SPIDR: variants seen among roughly 807,000 people sequenced by gnomAD.
SPIDR encodes the protein scaffold protein involved in DNA repair, also known as DNA repair-scaffolding protein.
A neutral mutation model predicts 104.6 loss-of-function variants in SPIDR; 93 were observed. That is an observed-to-expected ratio of 0.89 (90% confidence interval 0.75 to 1.06). The LOEUF is 1.06. Among genes scored for constraint, SPIDR ranks in the 50% least tolerant of loss-of-function variants. The probability of loss-of-function intolerance (pLI) is 0.00; values close to 1 mark genes in which losing one functional copy is unlikely to be tolerated. For synonymous variants in SPIDR, 431 were observed against 416.9 expected (o/e 1.03, Z -0.41); for missense variants, 1,154 against 1,111.2 (o/e 1.04, Z -0.55).
At chr8:47,646,721 CA>C (rs1186412263) in intron 10 of SPIDR, among the ~76,000 whole-genome samples, 18 of 152,180 alleles carry the variant, frequency 1.2e-4, no homozygotes, top group African/African-American at 4.3e-4. Flanking sequence ...ATGTGAGAAA[CA>C]AGTAACAGTG....
At chr8:47,279,815 A>G in intron 1 of SPIDR, 47 bp from the exon 2 acceptor site, 1 of 1,559,416 alleles carries the variant, frequency 6.4e-7, no homozygotes. Flanking sequence ...AATGAAGTTG[A>G]TTTTGTTTTT....
intron 3 of SPIDR, among the ~76,000 whole-genome samples, chr8:47,286,408 G>A (rs1239388282): frequency 2.0e-5 from 3 of 152,108 alleles, no homozygotes; most frequent in African/African-American, 7.2e-5. Flanking sequence ...AAAACAGCAT[G>A]GCCAAAATTA....
chr8:47,490,996 A>C (rs960356746), intron 8 of SPIDR, among the ~76,000 whole-genome samples: 1 of 152,176 alleles, frequency 6.6e-6, no homozygotes, highest in Non-Finnish European at 1.5e-5. Flanking sequence ...AAGTATAATA[A>C]TAAAATAAAA....
chr8:47,727,097 A>G (rs1339274187), intron 16 of SPIDR, 103 bp from the exon 17 acceptor site: 31 of 929,460 alleles, frequency 3.3e-5, no homozygotes, highest in Middle Eastern at 2.2e-4. Context: ...AAGTAAGGCA[A>G]AAATCACGAG....
At chr8:47,544,219 T>A (rs1327599298) in intron 8 of SPIDR, among the ~76,000 whole-genome samples, 1 of 152,196 alleles carries the variant, frequency 6.6e-6, no homozygotes, top group African/African-American at 2.4e-5. Flanking sequence ...GTGTTCTTGT[T>A]TTTTGCTCAT....
intron 8 of SPIDR, among the ~76,000 whole-genome samples, chr8:47,542,924 G>T (rs2088520348): frequency 6.6e-6 from 1 of 152,174 alleles, no homozygotes; most frequent in Non-Finnish European, 1.5e-5. Flanking sequence ...TAATGCTATG[G>T]AAATGGAATC....
At chr8:47,500,195 C>G (rs2080153180) in intron 8 of SPIDR, among the ~76,000 whole-genome samples, 1 of 152,134 alleles carries the variant, frequency 6.6e-6, no homozygotes, top group Admixed American at 6.5e-5. Flanking sequence ...ATTTCTAGTT[C>G]TAGATCCCTG....
chr8:47,313,560 T>C (rs1385858569), intron 5 of SPIDR, among the ~76,000 whole-genome samples: 1 of 152,178 alleles, frequency 6.6e-6, no homozygotes, highest in Non-Finnish European at 1.5e-5. Context: ...TGGAAAAAAC[T>C]ACTTTAAAGT....
intron 5 of SPIDR, among the ~76,000 whole-genome samples, chr8:47,348,341 T>G (rs2052625054): frequency 6.6e-6 from 1 of 152,222 alleles, no homozygotes; most frequent in African/African-American, 2.4e-5. Context: ...GGGCTTCCCT[T>G]TGTGCGTAAC....
chr8:47,339,126 T>G (rs1229621537), intron 5 of SPIDR, among the ~76,000 whole-genome samples: 2 of 152,226 alleles, frequency 1.3e-5, no homozygotes, highest in African/African-American at 4.8e-5. Flanking sequence ...AATATCATCT[T>G]TCAGAAATGA....
chr8:47,571,222 TA>T (rs1392898998), intron 8 of SPIDR, among the ~76,000 whole-genome samples: 2 of 152,206 alleles, frequency 1.3e-5, no homozygotes, highest in Non-Finnish European at 2.9e-5. Flanking sequence ...TCTGGAGACC[TA>T]ACGGACAGCA....
chr8:47,661,736 A>G (rs1295846066), intron 10 of SPIDR, among the ~76,000 whole-genome samples: 1 of 152,212 alleles, frequency 6.6e-6, no homozygotes, highest in Admixed American at 6.5e-5. Context: ...AGCCTTCTCT[A>G]TAGATACACA....
In SPIDR at chr8:47,476,146, G is replaced by A. The variant is rs183302577; in HGVS notation, c.1097+35604G>A. 5.6e-3 allele frequency among the ~76,000 whole-genome samples: 848 copies of A among 152,228 alleles called. 8 individuals are homozygous for A. Among genetic ancestry groups the A allele is most frequent in the Middle Eastern group, 0.014 (4 of 292 alleles). ...TGGGTAGCCATTGTGTTACAGTGTCGAAGTGTGACAGTGTTCTTGGAGCTG... is the reference window on the plus strand; with the variant it reads ...TGGGTAGCCATTGTGTTACAGTGTCAAAGTGTGACAGTGTTCTTGGAGCTG... On this transcript the variant is annotated intron_variant, in intron 8 of 19. Transcript: ENST00000297423.
intron 11 of SPIDR, among the ~76,000 whole-genome samples, chr8:47,681,432 C>A (rs909029596): frequency 1.3e-5 from 2 of 151,864 alleles, no homozygotes; most frequent in Admixed American, 6.6e-5. Flanking sequence ...AAAACATTTT[C>A]TTTGGATTGG....
intron 10 of SPIDR, among the ~76,000 whole-genome samples, chr8:47,636,281 G>A (rs1220500434): frequency 6.6e-6 from 1 of 152,060 alleles, no homozygotes; most frequent in Non-Finnish European, 1.5e-5. Context: ...GCAAATGTGT[G>A]TGTTCTGGCT....
chr8:47,476,850 CAG>C lies in SPIDR; in HGVS notation c.1097+36310_1097+36311del, dbSNP rs541750015. Among the ~76,000 whole-genome samples, 171 of 152,334 alleles carry C rather than the reference CAG, an allele frequency of 1.1e-3. 4 individuals are homozygous for C. The South Asian group carries it at 0.033, about 29-fold the overall frequency. The stretch of plus-strand genomic sequence containing the variant: ...CAAGGCTCAGGGCTCTGCCCAAAAA[CAG>C]ATCTGTTAACAAGAAAAACAGCAAT... On this transcript the variant is annotated intron_variant, in intron 8 of 19. Transcript: ENST00000297423.
intron 6 of SPIDR, among the ~76,000 whole-genome samples, chr8:47,402,939 A>G (rs905709237): frequency 2.6e-5 from 4 of 152,252 alleles, no homozygotes; most frequent in Non-Finnish European, 4.4e-5. Flanking sequence ...ATGAACATCA[A>G]TGCAAAAATC....
intron 1 of SPIDR, among the ~76,000 whole-genome samples, chr8:47,264,142 A>G (rs185617173): frequency 6.6e-6 from 1 of 152,344 alleles, no homozygotes; most frequent in East Asian, 1.9e-4. Context: ...GACAAGCCAC[A>G]CAGATATATC....
intron 8 of SPIDR, among the ~76,000 whole-genome samples, chr8:47,508,735 A>G (rs544206344): frequency 2.0e-5 from 3 of 152,224 alleles, no homozygotes; most frequent in South Asian, 2.1e-4. Context: ...TAATAATACC[A>G]CAGTCTCCAT....
Sources: gnomAD v4.1 joint callset for allele counts (sites outside exome capture counted in the v4.1 genomes callset) on GRCh38, gnomAD v4.1.1 for gene constraint, MANE v1.5 for transcripts, NCBI Gene and HGNC (gene_info 2026-07-23, HGNC 2026-07-21) for gene names.